SLCO3A1: variants seen among roughly 807,000 people sequenced by gnomAD.
SLCO3A1 encodes solute carrier organic anion transporter family member 3A1.
A neutral mutation model predicts 63.1 loss-of-function variants in SLCO3A1; 27 were observed. That is an observed-to-expected ratio of 0.43 (90% CI 0.32 to 0.59). The LOEUF is 0.59. Among genes scored for constraint, SLCO3A1 ranks in the 20% least tolerant of loss-of-function variants. SLCO3A1 has a pLI of 0.09. For synonymous variants in SLCO3A1, 473 were observed against 409.9 expected (o/e 1.15, Z -1.86); for missense variants, 773 against 945.8 (o/e 0.82, Z 2.40).
chr15:92,160,231 G>GAA, intron 9 of SLCO3A1, among the ~76,000 whole-genome samples: 1 of 152,278 alleles, frequency 6.6e-6, no homozygotes, highest in Non-Finnish European at 1.5e-5. Context: ...CTGTGCCACA[G>GAA]AAACAGGCCA....
At position 91,854,266 on chromosome 15, in the gene SLCO3A1, C is replaced by G; in HGVS notation, c.180+178C>G. 2 of 1,144,526 alleles carry G rather than the reference C, an allele frequency of 1.7e-6. No individual in the cohort carries two copies. Among genetic ancestry groups the G allele is most frequent in the Non-Finnish European group, 2.2e-6 (2 of 921,452 alleles). The allele number at this position is 1,144,526 out of a possible 1,614,324, so 70.9% of individuals were successfully genotyped here. ...CCGGGGGAGCTGCCGGCCGGGGCTG[C>G]CAGCGAGCGGGTAGCGGGCGGGACC... On this transcript the variant is annotated intron_variant, in intron 1 of 9. Transcript: ENST00000318445. This position sits in a 1 kb window ranked among gnomAD's most constrained non-coding sequence, Gnocchi z 6.4.
chr15:92,171,807 A>G, exon 11 of SLCO3A1: 1 of 1,551,522 alleles, frequency 6.4e-7, no homozygotes, highest in Admixed American at 2.0e-5. Flanking sequence ...ATTGAGACTG[A>G]GAAAACCTGC....
At chr15:91,914,754 T>C (rs1299327243) in intron 1 of SLCO3A1, among the ~76,000 whole-genome samples, 1 of 152,036 alleles carries the variant, frequency 6.6e-6, no homozygotes, top group African/African-American at 2.4e-5. Context: ...GTATTTTTAG[T>C]AGAGAAGGGG....
At chr15:91,855,172 C>G (rs1896882602) in intron 1 of SLCO3A1, among the ~76,000 whole-genome samples, 1 of 152,170 alleles carries the variant, frequency 6.6e-6, no homozygotes, top group Non-Finnish European at 1.5e-5. Flanking sequence ...ATAACCACAT[C>G]CAGAGATAGA....
chr15:92,152,263 G>A (rs983422513), intron 9 of SLCO3A1, among the ~76,000 whole-genome samples: 5 of 152,152 alleles, frequency 3.3e-5, no homozygotes, highest in African/African-American at 9.7e-5. Context: ...TCCTCCCTGG[G>A]GAATGGCAAA....
rs1455040420 is a variant in SLCO3A1, at chr15:91,882,874, C to T, written c.180+28786C>T. On this transcript the variant is annotated intron_variant, in intron 1 of 9. Coordinates refer to ENST00000318445, the MANE Select transcript of SLCO3A1 (RefSeq NM_013272.4). The surrounding 1 kb of genome is among the most constrained non-coding windows in gnomAD (Gnocchi z 4.4). ...ACTGAATATGTGCGATAAGTATAAC[C>T]TCATCAAGATTTCCTTGCAATTAGG... 7.3e-6 allele frequency among the ~76,000 whole-genome samples: 1 copy of T among 137,584 alleles called. No individual in the cohort carries two copies. Among genetic ancestry groups the T allele is most frequent in the Non-Finnish European group, 1.5e-5 (1 of 64,750 alleles). 90.3% of individuals were successfully genotyped at this position (137,584 alleles called of 152,430 possible).
chr15:91,998,039 ATAGAG>A lies in SLCO3A1; in HGVS notation c.646+81584_646+81588del, dbSNP rs537706973. Among the ~76,000 whole-genome samples, 7 of 152,392 alleles carry A rather than the reference ATAGAG, an allele frequency of 4.6e-5. No homozygotes were observed. In the South Asian group the frequency reaches 1.2e-3, roughly 27 times the overall value. On this transcript the variant is annotated intron_variant, in intron 2 of 9. Transcript: ENST00000318445. ...TTCTACATAACAAAAGAAACTATCA[ATAGAG>A]TAAACAGCCAACCTACAGAATGGGA...
intron 4 of SLCO3A1, among the ~76,000 whole-genome samples, chr15:92,113,935 C>T (rs1434460313): frequency 6.6e-6 from 1 of 152,212 alleles, no homozygotes; most frequent in Non-Finnish European, 1.5e-5. Flanking sequence ...TGGGCCACAG[C>T]CCGGGAATTT....
chr15:92,156,030 C>G (rs1262001201), intron 9 of SLCO3A1, among the ~76,000 whole-genome samples: 3 of 152,122 alleles, frequency 2.0e-5, no homozygotes, highest in Non-Finnish European at 4.4e-5. Flanking sequence ...GCAGATTGTC[C>G]TTGGTCTGGG....
intron 2 of SLCO3A1, among the ~76,000 whole-genome samples, chr15:92,029,591 A>G (rs1225555751): frequency 1.3e-5 from 2 of 152,236 alleles, no homozygotes; most frequent in African/African-American, 2.4e-5. Context: ...ATAAAGGCTA[A>G]GCAGGAAAAT....
In SLCO3A1 at chr15:92,128,487, A is replaced by G; in HGVS notation, c.1510A>G (p.Thr504Ala). 3 of 1,613,230 alleles carry G rather than the reference A, an allele frequency of 1.9e-6. No homozygotes were observed. Among genetic ancestry groups the G allele is most frequent in the Non-Finnish European group, 1.7e-6 (2 of 1,179,654 alleles). Reference sequence around the variant, plus strand: ...TGCCTGCTTTGCTGGCTGCAACAGCACGGTAATGGGATGGGGCAGGGGATG... The same window carrying G: ...TGCCTGCTTTGCTGGCTGCAACAGCGCGGTAATGGGATGGGGCAGGGGATG... ...LSACFAGCNS[T>A]NLTGCACLTT... Residue 504 changes from threonine (T) to alanine (A), a missense_variant and splice_region_variant, in exon 7 of 10, where the codon ACG becomes GCG. Transcript: ENST00000318445.
rs1899622975 is a variant in SLCO3A1, at chr15:91,941,576, A to G, written c.646+25118A>G. On this transcript the variant is annotated intron_variant, in intron 2 of 9. Transcript: ENST00000318445. The surrounding 1 kb of genome is among the most constrained non-coding windows in gnomAD (Gnocchi z 4.4). ...GATGAACCAGAGGTTTATTTCACTC[A>G]GTAAGTAATCTTTTCTCTTCCTTCG... is the stretch of plus-strand genomic sequence containing the variant. The G allele has an allele frequency of 2.2e-6, 1 of 456,052 alleles. No individual in the cohort carries two copies. The highest frequency in any genetic ancestry group is 4.4e-6 in the Non-Finnish European group (1 of 226,792). 28.3% of individuals were successfully genotyped at this position (456,052 alleles called of 1,614,324 possible).
intron 2 of SLCO3A1, among the ~76,000 whole-genome samples, chr15:92,041,553 C>G (rs2046796550): frequency 6.6e-6 from 1 of 152,180 alleles, no homozygotes; most frequent in South Asian, 2.1e-4. Context: ...CTCGAATGAA[C>G]TATGTGGTCT....
At chr15:92,003,940 G>A (rs1283923622) in intron 2 of SLCO3A1, among the ~76,000 whole-genome samples, 1 of 152,208 alleles carries the variant, frequency 6.6e-6, no homozygotes, top group Admixed American at 6.5e-5. Flanking sequence ...TGCTCACACT[G>A]CTCAGCAGCT....
chr15:91,858,115 CT>C (rs900109955), intron 1 of SLCO3A1, among the ~76,000 whole-genome samples: 13 of 148,500 alleles, frequency 8.8e-5, no homozygotes, highest in South Asian at 2.1e-4. Context: ...TTTGTTACTC[CT>C]TTTTTTTTTC....
At chr15:91,938,683 C>T (rs1463005763) in intron 2 of SLCO3A1, among the ~76,000 whole-genome samples, 5 of 152,184 alleles carry the variant, frequency 3.3e-5, no homozygotes, top group African/African-American at 9.7e-5. Context: ...GAGAGATTAA[C>T]TTGCCCACGA....
At position 92,033,844 on chromosome 15, in the gene SLCO3A1, ATC is replaced by A. The variant is rs1443934487; in HGVS notation, c.647-61035_647-61034del. The stretch of plus-strand genomic sequence containing the variant: ...GGAGTGAGGGACAAGCCGGGAGGTT[ATC>A]TGGAGGAAAAACATTCCAGACAGAC... On this transcript the variant is annotated intron_variant, in intron 2 of 9. Transcript: ENST00000318445. The surrounding 1 kb of genome is among the most constrained non-coding windows in gnomAD (Gnocchi z 4.5). Among the ~76,000 whole-genome samples, 1 of 152,168 alleles carries A rather than the reference ATC, an allele frequency of 6.6e-6. No homozygotes were observed. Among genetic ancestry groups the A allele is most frequent in the Non-Finnish European group, 1.5e-5 (1 of 68,022 alleles).
chr15:92,082,458 T>TG (rs1257484355), intron 2 of SLCO3A1, among the ~76,000 whole-genome samples: 5 of 152,138 alleles, frequency 3.3e-5, no homozygotes, highest in African/African-American at 9.7e-5. Context: ...TGCCCTCTAG[T>TG]GGGGCAGAGT....
intron 2 of SLCO3A1, among the ~76,000 whole-genome samples, chr15:91,995,363 A>C (rs1423868362): frequency 2.0e-5 from 3 of 152,196 alleles, no homozygotes; most frequent in African/African-American, 7.2e-5. Context: ...ATTCCTTGTG[A>C]GGAGCCCATG....
Sources: allele counts gnomAD v4.1 joint callset (sites outside exome capture counted in the v4.1 genomes callset), GRCh38; gene constraint gnomAD v4.1.1; non-coding constraint Gnocchi (gnomAD v3.1); transcripts MANE v1.5; gene names NCBI Gene and HGNC (gene_info 2026-07-23, HGNC 2026-07-21).